MYCBP2: variants seen among roughly 807,000 people sequenced by gnomAD.
MYCBP2 encodes E3 ubiquitin-protein ligase MYCBP2.
In MYCBP2, 120 loss-of-function variants were observed where a neutral mutation model predicts 525.3. The observed-to-expected ratio is 0.23, with a 90% CI of 0.20 to 0.27. The LOEUF is 0.27. Ranked by LOEUF, MYCBP2 falls within the 10% of genes least tolerant of loss-of-function variation. The probability of loss-of-function intolerance (pLI) is 1.00; values close to 1 mark genes in which losing one functional copy is unlikely to be tolerated. For synonymous variants in MYCBP2, 1,894 were observed against 1,955.8 expected, an observed-to-expected ratio of 0.97 and a Z score of 0.83; for missense variants, 4,149 against 5,657.1, an observed-to-expected ratio of 0.73 and a Z score of 8.55.
rs139610742 is a variant in MYCBP2 at position 77,063,513 on chromosome 13, G to A, written c.12673-816C>T. Among the ~76,000 whole-genome samples the A allele has an allele frequency of 7.7e-4, 107 of 139,494 alleles. 2 individuals are homozygous for A. The East Asian group carries it at 0.022, about 29-fold the overall frequency. The allele number at this position is 139,494 out of a possible 152,430, so 91.5% of individuals were successfully genotyped here. On this transcript the variant is annotated intron_variant, in intron 73 of 82. Coordinates refer to ENST00000544440, the MANE Select transcript of MYCBP2 (RefSeq NM_015057.5). ...GCGGAGGCTGCAGTGAGCCAAGATC[G>A]TACCATTGCACTCCAGCCTGGGCAT...
At chr13:77,176,778 T>TCC in intron 35 of MYCBP2, 150 bp from the exon 36 acceptor site, 1 of 557,572 alleles carries the variant, frequency 1.8e-6, no homozygotes, top group Non-Finnish European at 2.7e-6. Context: ...AAAGAAAAAG[T>TCC]TGGGGGTACT....
intron 2 of MYCBP2, among the ~76,000 whole-genome samples, chr13:77,294,111 T>TATATATATATATATATACATATAC (rs1555465560): frequency 7.3e-5 from 4 of 54,468 alleles, no homozygotes; most frequent in Non-Finnish European, 1.4e-4. Flanking sequence ...TGGCTATATA[T>TATATATATATATATATACATATAC]ATATATATAT....
intron 14 of MYCBP2, among the ~76,000 whole-genome samples, chr13:77,252,744 G>A (rs1393695715): frequency 6.6e-6 from 1 of 151,992 alleles, no homozygotes; most frequent in East Asian, 1.9e-4. Context: ...CTATGGGCAA[G>A]CAGAAAAATT....
At chr13:77,257,395 C>T (rs923014176) in intron 14 of MYCBP2, among the ~76,000 whole-genome samples, 1 of 151,896 alleles carries the variant, frequency 6.6e-6, no homozygotes, top group Admixed American at 6.6e-5. Context: ...AACTGGAGTG[C>T]TCATAACACA....
At chr13:77,288,133 T>C in intron 3 of MYCBP2, 28 bp downstream of exon 3, 1 of 1,608,522 alleles carries the variant, frequency 6.2e-7, no homozygotes, top group East Asian at 2.2e-5. Flanking sequence ...GTTACACATC[T>C]AAATATTAAT....
At chr13:77,153,640 T>C (rs1488178475) in intron 46 of MYCBP2, among the ~76,000 whole-genome samples, 7 of 152,212 alleles carry the variant, frequency 4.6e-5, no homozygotes, top group South Asian at 4.1e-4. Context: ...TGAGACATTA[T>C]AGAATAACCA....
intron 13 of MYCBP2, among the ~76,000 whole-genome samples, chr13:77,258,877 G>GA (rs563805808): frequency 1.6e-3 from 244 of 151,950 alleles, no homozygotes; most frequent in African/African-American, 4.2e-3. Flanking sequence ...TTTGCAGGTA[G>GA]AAAAAAACAA....
intron 68 of MYCBP2, among the ~76,000 whole-genome samples, chr13:77,073,642 A>G (rs533327967): frequency 3.3e-5 from 5 of 152,108 alleles, no homozygotes; most frequent in Non-Finnish European, 7.4e-5. Flanking sequence ...AGAAAACCCC[A>G]AAGAGTCTAT....
intron 3 of MYCBP2, among the ~76,000 whole-genome samples, chr13:77,287,678 T>G (rs2077027258): frequency 6.6e-6 from 1 of 152,088 alleles, no homozygotes; most frequent in Admixed American, 6.5e-5. Context: ...TCAGCCCTGC[T>G]ACTACACAGC....
chr13:77,150,412 G>T lies in MYCBP2; in HGVS notation c.7131+322C>A, dbSNP rs144091852. 6.6e-4 allele frequency among the ~76,000 whole-genome samples: 100 copies of T among 152,300 alleles called. 1 individual carries two copies. The East Asian group carries it at 0.019, about 28-fold the overall frequency. The stretch of plus-strand genomic sequence containing the variant: ...CCTCCTTGGCCTCCCAAAGCCCTGG[G>T]ATTATAGGTGTGGGCCACTGTTCCT... On this transcript the variant is annotated intron_variant, in intron 47 of 82. Transcript: ENST00000544440.
intron 50 of MYCBP2, 26 bp downstream of exon 50, chr13:77,140,820 C>A: frequency 6.6e-7 from 1 of 1,524,964 alleles, no homozygotes. Flanking sequence ...TGAATGATTC[C>A]GGCTCTCAAT....
chr13:77,120,562 T>C (rs2050516747), intron 55 of MYCBP2, among the ~76,000 whole-genome samples: 1 of 152,178 alleles, frequency 6.6e-6, no homozygotes, highest in African/African-American at 2.4e-5. Flanking sequence ...TATTTCCACG[T>C]AAGCTATCTG....
At position 77,263,999 on chromosome 13, in the gene MYCBP2, C is replaced by T. The variant is rs1309957383; in HGVS notation, c.1361G>A (p.Cys454Tyr). 6.2e-7 allele frequency: 1 copy of T among 1,611,174 alleles called. No individual in the cohort carries two copies. Among genetic ancestry groups the T allele is most frequent in the African/African-American group, 1.3e-5 (1 of 74,912 alleles). The change falls in exon 9 of 83, where the codon TGC (cysteine) becomes TAC (tyrosine). Residue 454 changes from cysteine to tyrosine, a missense_variant. Coordinates refer to ENST00000544440, the MANE Select transcript of MYCBP2 (RefSeq NM_015057.5). ...TAAAATATTTTGACCTTCAGTGTGG[C>T]AATCTGTGCAAAAGAAAAAGTATTT... ...EQDGTVMLPD[C>Y]HTEGQNILFT...
At chr13:77,086,205 C>T (rs2044235592) in intron 62 of MYCBP2, among the ~76,000 whole-genome samples, 1 of 152,002 alleles carries the variant, frequency 6.6e-6, no homozygotes. Flanking sequence ...TTCAAAGACC[C>T]TTCAACTGGG....
At chr13:77,069,627 C>A (rs1390645477) in intron 69 of MYCBP2, among the ~76,000 whole-genome samples, 1 of 138,650 alleles carries the variant, frequency 7.2e-6, no homozygotes, top group African/African-American at 2.7e-5. Context: ...GAGGCCGAGG[C>A]GGGTGGATCA....
chr13:77,323,289 GA>G (rs1431376206), intron 1 of MYCBP2, among the ~76,000 whole-genome samples: 1 of 152,196 alleles, frequency 6.6e-6, no homozygotes, highest in African/African-American at 2.4e-5. Context: ...CAAAGTCACT[GA>G]GTCCATTAGG....
intron 1 of MYCBP2, among the ~76,000 whole-genome samples, chr13:77,325,515 A>G (rs1276894069): frequency 6.6e-6 from 1 of 152,326 alleles, no homozygotes; most frequent in African/African-American, 2.4e-5. Flanking sequence ...AGAAAAAGAA[A>G]ATGAAACCAA....
chr13:77,209,263 G>A (rs1593918847), intron 23 of MYCBP2, among the ~76,000 whole-genome samples: 1 of 152,322 alleles, frequency 6.6e-6, no homozygotes, highest in Non-Finnish European at 1.5e-5. Context: ...GTTCTGTTAA[G>A]ACCCCACGGA....
intron 46 of MYCBP2, among the ~76,000 whole-genome samples, chr13:77,152,049 A>G (rs1360792883): frequency 6.6e-6 from 1 of 152,236 alleles, no homozygotes; most frequent in African/African-American, 2.4e-5. Flanking sequence ...GTGCAGAGAT[A>G]AAAGTGATAG....
Sources: gnomAD v4.1 joint callset for allele counts (sites outside exome capture counted in the v4.1 genomes callset) on GRCh38, gnomAD v4.1.1 for gene constraint, MANE v1.5 for transcripts, NCBI Gene and HGNC (gene_info 2026-07-23, HGNC 2026-07-21) for gene names.